PLCB1: variants seen among roughly 807,000 people sequenced by gnomAD.
PLCB1 encodes phospholipase C beta 1, also known as 1-phosphatidylinositol 4,5-bisphosphate phosphodiesterase beta-1.
Under a neutral mutation model 161.8 loss-of-function variants are expected in PLCB1, and 46 were observed. The observed-to-expected ratio is 0.28, with a 90% CI of 0.22 to 0.36. The LOEUF (loss-of-function observed/expected upper bound fraction) is 0.36, where lower values mean the gene tolerates loss of function less well. PLCB1 is among the 10% of genes least tolerant of loss of function. The pLI is 1.00. For synonymous variants in PLCB1, 517 were observed against 503.7 expected (o/e 1.03, Z -0.35); for missense variants, 1,016 against 1,472.5 (o/e 0.69, Z 5.07).
chr20:8,550,740 G>C (rs1483828556), intron 3 of PLCB1, among the ~76,000 whole-genome samples: 1 of 152,032 alleles, frequency 6.6e-6, no homozygotes, highest in East Asian at 1.9e-4. Context: ...TTTTTCTATG[G>C]TGTCTTGTGC....
intron 7 of PLCB1, among the ~76,000 whole-genome samples, chr20:8,656,508 G>A (rs1038895495): frequency 2.6e-5 from 4 of 151,894 alleles, no homozygotes; most frequent in African/African-American, 7.2e-5. Context: ...ACATGCTTCC[G>A]GTTTCCATGG....
intron 10 of PLCB1, among the ~76,000 whole-genome samples, chr20:8,686,008 T>G (rs1454680345): frequency 6.6e-6 from 1 of 152,166 alleles, no homozygotes; most frequent in East Asian, 1.9e-4. Flanking sequence ...ATTGAAATAT[T>G]TTTATAAAAT....
At chr20:8,193,521 A>G (rs1259272991) in intron 2 of PLCB1, among the ~76,000 whole-genome samples, 1 of 152,020 alleles carries the variant, frequency 6.6e-6, no homozygotes, top group African/African-American at 2.4e-5. Flanking sequence ...ATATATTTGC[A>G]TAAAGGAACT....
At chr20:8,585,554 G>T (rs944989810) in intron 3 of PLCB1, among the ~76,000 whole-genome samples, 23 of 152,184 alleles carry the variant, frequency 1.5e-4, no homozygotes, top group Non-Finnish European at 2.6e-4. Flanking sequence ...ATCGGTTCAT[G>T]TCTCCCTGTC....
At chr20:8,453,036 G>A (rs1391745787) in intron 3 of PLCB1, among the ~76,000 whole-genome samples, 2 of 152,174 alleles carry the variant, frequency 1.3e-5, no homozygotes, top group Non-Finnish European at 2.9e-5. Flanking sequence ...TTTGAACCCT[G>A]CCTGACTTTG....
intron 2 of PLCB1, among the ~76,000 whole-genome samples, chr20:8,252,736 G>C (rs541933358): frequency 4.9e-4 from 74 of 152,078 alleles, no homozygotes; most frequent in African/African-American, 1.6e-3. Context: ...AGAGCACTGA[G>C]TGTAGAATTT....
chr20:8,507,926 A>G (rs113868530), intron 3 of PLCB1, among the ~76,000 whole-genome samples: 2 of 152,260 alleles, frequency 1.3e-5, no homozygotes, highest in African/African-American at 4.8e-5. Flanking sequence ...GCAATGCATT[A>G]TTGTTAGTAA....
At chr20:8,600,090 T>C (rs1174089366) in intron 3 of PLCB1, among the ~76,000 whole-genome samples, 1 of 123,652 alleles carries the variant, frequency 8.1e-6, no homozygotes, top group East Asian at 2.3e-4. Context: ...GAAGCCTTCT[T>C]CTCTCAGCTC....
chr20:8,244,793 A>T (rs1444082359), intron 2 of PLCB1, among the ~76,000 whole-genome samples: 2 of 151,856 alleles, frequency 1.3e-5, no homozygotes. Context: ...TTCCAATTCC[A>T]CAGAGAAGAG....
At chr20:8,454,051 C>T (rs1362825367) in intron 3 of PLCB1, among the ~76,000 whole-genome samples, 2 of 152,142 alleles carry the variant, frequency 1.3e-5, no homozygotes, top group African/African-American at 4.8e-5. Flanking sequence ...GCCGTCTACA[C>T]GTCAGGAAGG....
intron 2 of PLCB1, among the ~76,000 whole-genome samples, chr20:8,218,672 T>C (rs1305512262): frequency 1.3e-5 from 2 of 151,760 alleles, no homozygotes; most frequent in African/African-American, 2.4e-5. Context: ...AAATCTAGTA[T>C]GTAAAAGGCA....
chr20:8,307,662 T>A (rs2123331164), intron 2 of PLCB1, among the ~76,000 whole-genome samples: 1 of 152,296 alleles, frequency 6.6e-6, no homozygotes, highest in East Asian at 1.9e-4. Context: ...GGCTCACACC[T>A]GTAATCCCAG....
At chr20:8,298,089 G>A (rs572584064) in intron 2 of PLCB1, among the ~76,000 whole-genome samples, 1 of 151,886 alleles carries the variant, frequency 6.6e-6, no homozygotes, top group South Asian at 2.1e-4. Context: ...GAGCTCGGGA[G>A]TTCAAGACCA....
In PLCB1 at chr20:8,586,186, A is replaced by G. The variant is rs117040460; in HGVS notation, c.247-42108A>G. ...CCTACAGAGTTGACATGCCCTTGAT[A>G]TGGCAAAAGATGAGTTTCATCCTCA... On this transcript the variant is annotated intron_variant, in intron 3 of 31. Coordinates refer to ENST00000338037, the MANE Select transcript of PLCB1 (RefSeq NM_015192.4). Among the ~76,000 whole-genome samples the G allele has an allele frequency of 8.4e-3, 1,285 of 152,330 alleles. 10 individuals carry two copies. The highest frequency in any genetic ancestry group is 0.037 in the South Asian group (179 of 4,832).
At chr20:8,508,163 GCAGC>G (rs1983719119) in intron 3 of PLCB1, among the ~76,000 whole-genome samples, 1 of 152,156 alleles carries the variant, frequency 6.6e-6, no homozygotes, top group Non-Finnish European at 1.5e-5. Flanking sequence ...GGGAGTAAAG[GCAGC>G]CAGGAGCAGT....
At chr20:8,304,286 A>G (rs1463380106) in intron 2 of PLCB1, among the ~76,000 whole-genome samples, 1 of 152,148 alleles carries the variant, frequency 6.6e-6, no homozygotes, top group Admixed American at 6.5e-5. Context: ...TGTTTTCATC[A>G]TTCAGTCAGT....
chr20:8,715,993 A>G (rs1285893991), intron 12 of PLCB1: 1 of 366,672 alleles, frequency 2.7e-6, no homozygotes, highest in African/African-American at 2.0e-5. Context: ...TCAAGGCTCC[A>G]GTTACAGCAA....
At chr20:8,562,422 T>G (rs1045095569) in intron 3 of PLCB1, among the ~76,000 whole-genome samples, 2 of 152,064 alleles carry the variant, frequency 1.3e-5, no homozygotes, top group African/African-American at 4.8e-5. Context: ...AAAATGTGCC[T>G]GGGGACTTTG....
At chr20:8,511,334 A>T (rs1471051773) in intron 3 of PLCB1, among the ~76,000 whole-genome samples, 4 of 152,186 alleles carry the variant, frequency 2.6e-5, no homozygotes, top group Non-Finnish European at 4.4e-5. Context: ...TGAACAGTGT[A>T]TATATACATA....
Sources: allele counts gnomAD v4.1 joint callset (sites outside exome capture counted in the v4.1 genomes callset), GRCh38; gene constraint gnomAD v4.1.1; transcripts MANE v1.5; gene names NCBI Gene and HGNC (gene_info 2026-07-23, HGNC 2026-07-21).